The following CHAF1A variants were observed in gnomAD, a reference collection of about 807,000 sequenced individuals.
CHAF1A encodes the protein CAF-1 subunit A.
CHAF1A carries 5 observed loss-of-function variants against 93.2 expected under a neutral mutation model. That is an observed-to-expected ratio of 0.05 (90% CI 0.03 to 0.11). The LOEUF is 0.11. CHAF1A is among the 10% of genes least tolerant of loss of function. CHAF1A has a pLI of 1.00. For missense variants in CHAF1A, 1,102 were observed against 1,259.9 expected (o/e 0.87, Z 1.90); for synonymous variants, 504 against 510.3 (o/e 0.99, Z 0.17).
At chr19:4,403,912 C>G (rs770679892) in intron 1 of CHAF1A, among the ~76,000 whole-genome samples, 32 of 152,358 alleles carry the variant, frequency 2.1e-4, no homozygotes, top group South Asian at 1.0e-3. Context: ...CTCTGCCTCT[C>G]TGGTTCAAGC....
chr19:4,432,820 G>T (rs946995849), intron 12 of CHAF1A, among the ~76,000 whole-genome samples: 1 of 151,862 alleles, frequency 6.6e-6, no homozygotes, highest in Non-Finnish European at 1.5e-5. Flanking sequence ...GAGCAGGGCA[G>T]TCATTTGGGT....
chr19:4,430,337 C>T (rs1014558420), intron 10 of CHAF1A, among the ~76,000 whole-genome samples: 13 of 152,054 alleles, frequency 8.5e-5, no homozygotes, highest in Admixed American at 7.9e-4. Flanking sequence ...GCCACCATGC[C>T]CAGCCAAGAT....
At chr19:4,420,244 C>T (rs1439034263) in intron 4 of CHAF1A, among the ~76,000 whole-genome samples, 1 of 131,688 alleles carries the variant, frequency 7.6e-6, no homozygotes, top group Non-Finnish European at 1.6e-5. Flanking sequence ...GGCAGGTGAG[C>T]GTTTTTTTTT....
chr19:4,417,522 G>A (rs1022225272), intron 3 of CHAF1A, among the ~76,000 whole-genome samples: 6 of 142,930 alleles, frequency 4.2e-5, no homozygotes, highest in Non-Finnish European at 7.6e-5. Context: ...GTATGGTGGC[G>A]CAATCTCGGC....
In CHAF1A at chr19:4,422,653, G is replaced by C. The variant is rs1432165653; in HGVS notation, c.1105G>C (p.Glu369Gln). The change falls in exon 5 of 15, where the codon GAG becomes CAG. Residue 369 changes from glutamate (E) to glutamine (Q), a missense_variant. By Grantham distance (29) the Glu-to-Gln change is conservative. Around this residue, in one of 6 missense-constraint regions of CHAF1A, gnomAD observed 165 missense variants for 243.9 expected, o/e 0.68. Coordinates refer to ENST00000301280, the MANE Select transcript of CHAF1A (RefSeq NM_005483.3). The surrounding 1 kb of genome is among the most constrained non-coding windows in gnomAD (Gnocchi z 4.6). ...KLKEEAKRAK[E>Q]EAKKKKEEEK... ...GAAAGAGGAGGCCAAGCGGGCCAAG[G>C]AGGAGGCCAAGAAGAAGAAGGAGGA... 6.2e-7 allele frequency: 1 copy of C among 1,606,076 alleles called. No homozygotes were observed. The highest frequency in any genetic ancestry group is 2.2e-5 in the East Asian group (1 of 44,638).
intron 2 of CHAF1A, among the ~76,000 whole-genome samples, chr19:4,406,227 C>T (rs1973677053): frequency 6.6e-6 from 1 of 152,188 alleles, no homozygotes; most frequent in Non-Finnish European, 1.5e-5. Context: ...TAGCAGCATC[C>T]CTGGCCTCTT....
chr19:4,408,394 G>A (rs866298464), intron 2 of CHAF1A, among the ~76,000 whole-genome samples: 8 of 145,764 alleles, frequency 5.5e-5, no homozygotes, highest in Admixed American at 2.1e-4. Flanking sequence ...GGGTTTCACC[G>A]TGTTAGCCAG....
intron 4 of CHAF1A, among the ~76,000 whole-genome samples, chr19:4,419,698 T>C (rs538240180): frequency 5.3e-5 from 8 of 152,334 alleles, no homozygotes; most frequent in African/African-American, 1.9e-4. Context: ...CCCAAAGTGC[T>C]GGGACTACAG....
rs562012909 is a variant in CHAF1A at position 4,431,960 on chromosome 19, C to G, written c.1956C>G (p.Ala652=). 1.9e-6 allele frequency: 3 copies of G among 1,607,720 alleles called. No individual in the cohort carries two copies. The South Asian group carries it at 3.3e-5, about 18-fold the overall frequency. ...SEDEGVTEEC[A]DPENHKVRQK... is the part of the protein sequence containing the mutation. ...GCTTTCTAAACCACAAGGAGTGTGCCGACCCTGAGAACCATAAGGTCCGCC... is the reference window on the plus strand; with the variant it reads ...GCTTTCTAAACCACAAGGAGTGTGCGGACCCTGAGAACCATAAGGTCCGCC... The change falls in exon 12 of 15, where the codon GCC becomes GCG. Residue 652 remains alanine (A), a synonymous_variant. Coordinates refer to ENST00000301280, the MANE Select transcript of CHAF1A (RefSeq NM_005483.3).
chr19:4,428,768 G>T lies in CHAF1A; in HGVS notation c.1482G>T (p.Gln494His). 1.2e-6 allele frequency: 2 copies of T among 1,614,136 alleles called. No homozygotes were observed. Among genetic ancestry groups the T allele is most frequent in the South Asian group, 1.1e-5 (1 of 91,082 alleles). Residue 494 changes from glutamine (Q) to histidine (H), a missense_variant, in exon 8 of 15, where the codon CAG (glutamine) becomes CAT (histidine). By Grantham distance (24) the Gln-to-His change is conservative. This residue lies in a region of CHAF1A where 165 missense variants were observed against 243.9 expected (regional missense o/e 0.68). Transcript: ENST00000301280. ...RTAFHPDLCSQLDQLLQQQSG... is the reference protein window; with the variant it reads ...RTAFHPDLCSHLDQLLQQQSG... ...CTTTCCATCCAGACCTCTGCAGTCA[G>T]CTGGACCAGCTCCTCCAGCAGCAGA...
rs981635584 is a variant in CHAF1A at position 4,436,720 on chromosome 19, G to A, written c.2673+3181G>A. On this transcript the variant is annotated intron_variant, in intron 13 of 14. Coordinates refer to ENST00000301280, the MANE Select transcript of CHAF1A (RefSeq NM_005483.3). ...TGCTCCACACAGTAGTCCAGGCCCT[G>A]GACGGCCTCCTTCCCCACCCCTCTC... Among the ~76,000 whole-genome samples, 15 of 152,144 alleles carry A rather than the reference G, an allele frequency of 9.9e-5. 1 individual carries two copies. The highest frequency in any genetic ancestry group is 5.9e-4 in the Admixed American group (9 of 15,272).
intron 7 of CHAF1A, among the ~76,000 whole-genome samples, chr19:4,424,326 G>A (rs1217719626): frequency 6.6e-6 from 1 of 152,250 alleles, no homozygotes; most frequent in African/African-American, 2.4e-5. Context: ...TTACCCAGAG[G>A]GAGCCCATCT....
intron 3 of CHAF1A, among the ~76,000 whole-genome samples, chr19:4,413,835 T>A (rs73918230): frequency 3.3e-5 from 5 of 152,300 alleles, no homozygotes; most frequent in Admixed American, 3.3e-4. Flanking sequence ...TTTAAAAAGA[T>A]CCCCCTTTAG....
chr19:4,445,666 C>A (rs1241662326), downstream of CHAF1A: 3 of 1,590,000 alleles, frequency 1.9e-6, no homozygotes, highest in Admixed American at 3.4e-5. Flanking sequence ...GAGAGTCGGC[C>A]CTTGCCGCGG....
intron 7 of CHAF1A, among the ~76,000 whole-genome samples, chr19:4,425,510 T>A (rs1019948067): frequency 6.6e-6 from 1 of 152,092 alleles, no homozygotes; most frequent in African/African-American, 2.4e-5. Context: ...CATCTCAGCC[T>A]CCCTAATTTT....
intron 2 of CHAF1A, among the ~76,000 whole-genome samples, chr19:4,407,390 C>T (rs1973700453): frequency 6.6e-6 from 1 of 152,026 alleles, no homozygotes; most frequent in Non-Finnish European, 1.5e-5. Context: ...CAGCCCGAAG[C>T]CTGGCAGACT....
chr19:4,446,906 G>A (rs757627514), downstream of CHAF1A: 15 of 1,613,810 alleles, frequency 9.3e-6, no homozygotes, highest in Admixed American at 1.7e-4. Flanking sequence ...TCCCTTCCAG[G>A]CAGTTAATGC....
In CHAF1A at chr19:4,443,118, C is replaced by G; in HGVS notation, c.*93C>G. 1.2e-6 allele frequency: 1 copy of G among 849,272 alleles called. No homozygotes were observed. Among genetic ancestry groups the G allele is most frequent in the South Asian group, 1.4e-5 (1 of 69,604 alleles). The allele number at this position is 849,272 out of a possible 1,614,324, so 52.6% of individuals were successfully genotyped here. A position where few individuals can be genotyped will look rare whatever the true frequency, so the allele number is the denominator to read the frequency against. ...AATTCCTGTGTAAAGAGCACTTTGT[C>G]CTGCTTCACGGACCTCCCCAAAGTG... On this transcript the variant is annotated 3_prime_UTR_variant, in exon 15 of 15. Transcript: ENST00000301280.
At chr19:4,446,739 G>A, downstream of CHAF1A, 2 of 1,609,600 alleles carry the variant, frequency 1.2e-6, no homozygotes, top group South Asian at 1.1e-5. Context: ...GGCAGGACAT[G>A]GGTGTCACTG....
Sources: allele counts gnomAD v4.1 joint callset (sites outside exome capture counted in the v4.1 genomes callset), GRCh38; gene constraint gnomAD v4.1.1; regional missense constraint gnomAD v4.1.1; non-coding constraint Gnocchi (gnomAD v3.1); transcripts MANE v1.5; gene names NCBI Gene and HGNC (gene_info 2026-07-23, HGNC 2026-07-21).